Variants in TXNDC8 observed in about 807,000 individuals in gnomAD.
TXNDC8 encodes thioredoxin domain-containing protein 8.
A neutral mutation model predicts 12.9 loss-of-function variants in TXNDC8; 15 were observed. The ratio of observed to expected loss-of-function variants is 1.16; its 90% confidence interval spans 0.78 to 1.79. The LOEUF (loss-of-function observed/expected upper bound fraction) is 1.79, where lower values mean the gene tolerates loss of function less well. TXNDC8 is among the 40% of genes most tolerant of loss of function. The pLI is 0.00. For synonymous variants in TXNDC8, 40 were observed against 35.4 expected, an observed-to-expected ratio of 1.13 and a Z score of -0.46; for missense variants, 128 against 113.2, an observed-to-expected ratio of 1.13 and a Z score of -0.59.
intron 1 of TXNDC8, 93 bp from the exon 2 acceptor site, chr9:110,334,413 T>G (rs972117866): frequency 6.8e-5 from 81 of 1,193,766 alleles, no homozygotes; most frequent in Non-Finnish European, 8.7e-5. Flanking sequence ...TTTGGTTTTG[T>G]TTTTGGTTTT....
chr9:110,333,785 A>G (rs1485768622), intron 2 of TXNDC8, among the ~76,000 whole-genome samples: 1 of 152,238 alleles, frequency 6.6e-6, no homozygotes, highest in Non-Finnish European at 1.5e-5. Flanking sequence ...AAAATAACAA[A>G]GACATATGGT....
At chr9:110,305,855 CTTTTT>C (rs374212434) in intron 3 of TXNDC8, among the ~76,000 whole-genome samples, 10,860 of 103,490 alleles carry the variant, frequency 0.1, 517 homozygotes, top group African/African-American at 0.14. Context: ...TCTTTTCTTT[CTTTTT>C]CTTTTCTTTT....
At chr9:110,329,188 C>A (rs762109358) in intron 2 of TXNDC8, 44 bp downstream of exon 3, 8 of 1,526,482 alleles carry the variant, frequency 5.2e-6, no homozygotes, top group South Asian at 1.1e-5. Context: ...AATTACAATG[C>A]CTTTGGATTT....
intron 3 of TXNDC8, among the ~76,000 whole-genome samples, chr9:110,320,103 T>C (rs1403291814): frequency 6.6e-6 from 1 of 152,116 alleles, no homozygotes; most frequent in Non-Finnish European, 1.5e-5. Flanking sequence ...AAAGATGGAG[T>C]CAACTTTTGA....
In TXNDC8 at chr9:110,334,854, G is replaced by T. The variant is rs10980328; in HGVS notation, c.25-534C>A. Among the ~76,000 whole-genome samples the T allele has an allele frequency of 5.1e-3, 774 of 152,108 alleles. 9 individuals are homozygous for T. The highest frequency in any genetic ancestry group is 0.018 in the African/African-American group (735 of 41,456). ...TGACTAGTGAACTTTAAAAGGAGAA[G>T]AATTAATCTCACACCTTGAGTAATT... On this transcript the variant is annotated intron_variant, in intron 1 of 4. Coordinates refer to ENST00000423740, the MANE Select transcript of TXNDC8 (RefSeq NM_001286946.2).
intron 3 of TXNDC8, among the ~76,000 whole-genome samples, chr9:110,310,561 A>T: frequency 6.6e-6 from 1 of 152,214 alleles, no homozygotes; most frequent in South Asian, 2.1e-4. Context: ...CATTCCTGAA[A>T]ATATATAAAA....
rs142839459 is a variant in TXNDC8, at chr9:110,315,184, G to A, written c.196-10652C>T. 5.6e-3 allele frequency among the ~76,000 whole-genome samples: 848 copies of A among 151,978 alleles called. 10 individuals are homozygous for A. Among genetic ancestry groups the A allele is most frequent in the African/African-American group, 0.019 (799 of 41,454 alleles). On this transcript the variant is annotated intron_variant, in intron 3 of 4. Coordinates refer to ENST00000423740, the MANE Select transcript of TXNDC8 (RefSeq NM_001286946.2). ...ATGCTCTTGGCTCACTGCAACCTCC[G>A]CCTGCTGGGTTCAAGTGATTCTCTT...
chr9:110,323,340 T>A (rs1186596465), intron 3 of TXNDC8: 1 of 985,324 alleles, frequency 1.0e-6, no homozygotes, highest in Non-Finnish European at 1.2e-6. Flanking sequence ...TAGGGAGGGA[T>A]GAGAGATAAA....
intron 3 of TXNDC8, among the ~76,000 whole-genome samples, chr9:110,314,525 T>C (rs1838809618): frequency 6.6e-6 from 1 of 150,892 alleles, no homozygotes; most frequent in South Asian, 2.1e-4. Context: ...CTCCGCCTCC[T>C]GGGTTCTCGC....
At chr9:110,305,297 C>G (rs1298896372) in intron 3 of TXNDC8, among the ~76,000 whole-genome samples, 2 of 152,138 alleles carry the variant, frequency 1.3e-5, no homozygotes, top group African/African-American at 4.8e-5. Flanking sequence ...ATGAGACTTA[C>G]CTGGAGAGTG....
At chr9:110,330,896 T>G (rs1282042113) in intron 2 of TXNDC8, among the ~76,000 whole-genome samples, 1 of 152,364 alleles carries the variant, frequency 6.6e-6, no homozygotes, top group East Asian at 1.9e-4. Context: ...TTTCTTATGA[T>G]TCACTGTTTT....
rs1299105201 is a variant in TXNDC8 at position 110,326,156 on chromosome 9, G to T, written c.195+19C>A. On this transcript the variant is annotated intron_variant, in intron 3 of 4. Coordinates refer to ENST00000423740, the MANE Select transcript of TXNDC8 (RefSeq NM_001286946.2). The stretch of plus-strand genomic sequence containing the variant: ...TTCTATAATCTAATTCAACCCTGCT[G>T]GTTACCCTGGAAACATACCTTCTGG... 4 of 1,613,744 alleles carry T rather than the reference G, an allele frequency of 2.5e-6. No individual in the cohort carries two copies. Among genetic ancestry groups the T allele is most frequent in the Middle Eastern group, 1.7e-4 (1 of 6,058 alleles).
At chr9:110,323,761 T>C (rs1294785737) in intron 3 of TXNDC8, 1 of 1,356,220 alleles carries the variant, frequency 7.4e-7, no homozygotes, top group Non-Finnish European at 9.9e-7. Flanking sequence ...CTTGACTCTG[T>C]TTTCTTCTGT....
intron 3 of TXNDC8, among the ~76,000 whole-genome samples, 183 bp from the exon 5 acceptor site, chr9:110,304,715 C>T (rs12000804): frequency 0.05 from 7,602 of 152,220 alleles, 615 homozygotes; most frequent in African/African-American, 0.17. Flanking sequence ...AAGGGAGGTT[C>T]ATGATCCTCT....
At chr9:110,304,555 A>G (rs369585112) in intron 3 of TXNDC8, 23 bp from the exon 5 acceptor site, 8 of 1,591,380 alleles carry the variant, frequency 5.0e-6, no homozygotes, top group African/African-American at 4.0e-5. Flanking sequence ...GCAGAATTTC[A>G]TAATTTATCT....
chr9:110,336,064 C>G (rs575712013), intron 1 of TXNDC8, among the ~76,000 whole-genome samples: 1 of 152,314 alleles, frequency 6.6e-6, no homozygotes, highest in East Asian at 1.9e-4. Context: ...TTCCCCTGCA[C>G]ACGCTGTCTT....
downstream of TXNDC8, among the ~76,000 whole-genome samples, chr9:110,302,323 A>G (rs1283083605): frequency 6.6e-6 from 1 of 152,102 alleles, no homozygotes; most frequent in Non-Finnish European, 1.5e-5. Context: ...TTTTGTAGAG[A>G]CAGGGTTTCA....
At chr9:110,303,096 GTAC>G (rs1564091348), downstream of TXNDC8, among the ~76,000 whole-genome samples, 124 of 152,112 alleles carry the variant, frequency 8.2e-4, 1 homozygote, top group East Asian at 0.022. Flanking sequence ...GAAGAATTTT[GTAC>G]CATAAGAAAT....
intron 3 of TXNDC8, chr9:110,322,661 G>C: frequency 1.0e-6 from 1 of 985,434 alleles, no homozygotes; most frequent in Non-Finnish European, 1.2e-6. Flanking sequence ...TTGAGTGGCA[G>C]CAGCTACCAA....
Sources: allele counts gnomAD v4.1 joint callset (sites outside exome capture counted in the v4.1 genomes callset), GRCh38; gene constraint gnomAD v4.1.1; transcripts MANE v1.5; gene names NCBI Gene and HGNC (gene_info 2026-07-23, HGNC 2026-07-21).